Variants in CEP83 observed in about 807,000 individuals in gnomAD.
CEP83 encodes the protein centrosomal protein of 83 kDa.
CEP83 carries 70 observed loss-of-function variants against 101.9 expected under a neutral mutation model. The ratio of observed to expected loss-of-function variants is 0.69; its 90% CI spans 0.57 to 0.84. The LOEUF is 0.84. CEP83 is among the 40% of genes least tolerant of loss of function. CEP83 has a pLI of 0.00. For missense variants in CEP83, 715 were observed against 787.2 expected, an observed-to-expected ratio of 0.91 and a Z score of 1.10; for synonymous variants, 264 against 267.9, an observed-to-expected ratio of 0.99 and a Z score of 0.14.
At chr12:94,423,307 T>C (rs2064913143) in intron 2 of CEP83, among the ~76,000 whole-genome samples, 2 of 152,076 alleles carry the variant, frequency 1.3e-5, no homozygotes, top group Non-Finnish European at 2.9e-5. Context: ...TGGTCTTGAA[T>C]TCCCGACATC....
intron 2 of CEP83, chr12:94,424,007 A>C (rs899207275): frequency 2.0e-5 from 32 of 1,613,176 alleles, no homozygotes; most frequent in Non-Finnish European, 2.7e-5. Context: ...CCCTGGTGTC[A>C]GAACTGAACC....
At chr12:94,434,881 G>A (rs2065885644) in intron 2 of CEP83, among the ~76,000 whole-genome samples, 1 of 152,166 alleles carries the variant, frequency 6.6e-6, no homozygotes, top group African/African-American at 2.4e-5. Context: ...GGTCAGGTTT[G>A]AAATTTTCCA....
chr12:94,338,612 T>C (rs1162067776), intron 11 of CEP83, among the ~76,000 whole-genome samples: 1 of 152,154 alleles, frequency 6.6e-6, no homozygotes, highest in African/African-American at 2.4e-5. Context: ...AAGTTATTGG[T>C]ATCAGAATAG....
At chr12:94,343,138 T>G (rs1352940000) in intron 11 of CEP83, among the ~76,000 whole-genome samples, 7 of 150,882 alleles carry the variant, frequency 4.6e-5, no homozygotes, top group Non-Finnish European at 7.4e-5. Context: ...TATATATATA[T>G]AGAACTTCAT....
rs1383074625 is a variant in CEP83, at chr12:94,335,589, C to T, written c.1419G>A (p.Gln473=). The change falls in exon 12 of 17, where the codon CAG becomes CAA. Residue 473 remains glutamine, a splice_region_variant and synonymous_variant. Coordinates refer to ENST00000397809, the MANE Select transcript of CEP83 (RefSeq NM_016122.3). ...KEKNENSDLK[Q]QISSLQIQVT... The stretch of plus-strand genomic sequence containing the variant: ...AGGAAAATCTTCGCTAAAATCATAC[C>T]TGTTTTAGGTCAGAATTTTCATTTT... 3 of 1,539,210 alleles carry T rather than the reference C, an allele frequency of 1.9e-6. No homozygotes were observed. Among genetic ancestry groups the T allele is most frequent in the African/African-American group, 1.4e-5 (1 of 72,390 alleles).
At chr12:94,376,541 T>G (rs1174283001) in intron 7 of CEP83, among the ~76,000 whole-genome samples, 2 of 152,046 alleles carry the variant, frequency 1.3e-5, no homozygotes, top group Admixed American at 1.3e-4. Context: ...GCTCTTGATC[T>G]CATGACACAA....
At chr12:94,381,457 G>C (rs1030517513) in intron 6 of CEP83, among the ~76,000 whole-genome samples, 1 of 152,102 alleles carries the variant, frequency 6.6e-6, no homozygotes, top group Non-Finnish European at 1.5e-5. Context: ...TTTTTAAAAA[G>C]TTATTGAAGT....
the CEP83 span, among the ~76,000 whole-genome samples, chr12:94,268,432 C>CAGGCTGGTGTTT: frequency 6.6e-6 from 1 of 152,080 alleles, no homozygotes; most frequent in African/African-American, 2.4e-5. Context: ...TCAAGCATTC[C>CAGGCTGGTGTTT]AGGCTGGTGT....
chr12:94,282,277 G>A, the CEP83 span: 1 of 1,559,362 alleles, frequency 6.4e-7, no homozygotes. Flanking sequence ...CTCTAAAAAG[G>A]AACAAAATGC....
At chr12:94,342,476 T>C (rs1181647145) in intron 11 of CEP83, among the ~76,000 whole-genome samples, 1 of 151,808 alleles carries the variant, frequency 6.6e-6, no homozygotes, top group African/African-American at 2.4e-5. Flanking sequence ...GCCCAAAACC[T>C]CAAAGTAACT....
chr12:94,449,901 A>G (rs1223302434), intron 1 of CEP83, among the ~76,000 whole-genome samples: 1 of 152,126 alleles, frequency 6.6e-6, no homozygotes, highest in Admixed American at 6.6e-5. Flanking sequence ...ACTAACAATA[A>G]AAATCATATA....
downstream of CEP83, among the ~76,000 whole-genome samples, chr12:94,301,784 T>C (rs1968491489): frequency 1.3e-5 from 2 of 152,170 alleles, no homozygotes; most frequent in African/African-American, 4.8e-5. Context: ...TTATCAGCAG[T>C]ATTTCTGCAA....
At chr12:94,441,061 C>T (rs1320625373) in intron 1 of CEP83, among the ~76,000 whole-genome samples, 1 of 152,134 alleles carries the variant, frequency 6.6e-6, no homozygotes, top group Non-Finnish European at 1.5e-5. Flanking sequence ...AATCTAAGAC[C>T]TGAAACCATA....
intron 3 of CEP83, 133 bp from the exon 4 acceptor site, chr12:94,411,980 T>C: frequency 2.7e-6 from 2 of 740,120 alleles, no homozygotes; most frequent in Admixed American, 3.0e-5. Context: ...ACAAGTATCT[T>C]TTATTTACAG....
the CEP83 span, among the ~76,000 whole-genome samples, chr12:94,281,646 C>T: frequency 1.3e-5 from 2 of 152,154 alleles, no homozygotes; most frequent in Admixed American, 1.3e-4. Flanking sequence ...GTCTTGAACT[C>T]CTAGCCTCAA....
At chr12:94,389,351 G>C (rs2062367649) in intron 6 of CEP83, among the ~76,000 whole-genome samples, 1 of 152,152 alleles carries the variant, frequency 6.6e-6, no homozygotes, top group South Asian at 2.1e-4. Flanking sequence ...TGTGAGGTAT[G>C]AATGATACTA....
the CEP83 span, among the ~76,000 whole-genome samples, chr12:94,296,924 G>C: frequency 1.3e-5 from 2 of 152,096 alleles, no homozygotes; most frequent in Non-Finnish European, 2.9e-5. Context: ...AAATGAATGA[G>C]GCTTGAGCCT....
Position 94,333,505 on chromosome 12 carries a change from T to C in CEP83, c.1554A>G (p.Glu518=), listed in dbSNP as rs369224554. Residue 518 remains glutamate (E), a synonymous_variant, in exon 13 of 17, where the codon GAA becomes GAG. Coordinates refer to ENST00000397809, the MANE Select transcript of CEP83 (RefSeq NM_016122.3). ...QECRNFRSQA[E]KAQLEAEKTL... Reference sequence around the variant, plus strand: ...ACTTTTCAGCTTCTAGTTGCGCTTTTTCAGCTTGGCTTCTAAAATTTCGGC... The same window carrying C: ...ACTTTTCAGCTTCTAGTTGCGCTTTCTCAGCTTGGCTTCTAAAATTTCGGC... 2.2e-5 allele frequency: 35 copies of C among 1,613,314 alleles called. No individual in the cohort carries two copies. The African/African-American group carries it at 4.5e-4, about 21-fold the overall frequency.
At chr12:94,343,635 G>A (rs929608688) in intron 11 of CEP83, among the ~76,000 whole-genome samples, 15 of 150,074 alleles carry the variant, frequency 1.0e-4, no homozygotes, top group African/African-American at 2.0e-4. Context: ...GACTACAGGC[G>A]CCCGCCACCG....
Sources: gnomAD v4.1 joint callset for allele counts (sites outside exome capture counted in the v4.1 genomes callset) on GRCh38, gnomAD v4.1.1 for gene constraint, MANE v1.5 for transcripts, NCBI Gene and HGNC (gene_info 2026-07-23, HGNC 2026-07-21) for gene names.